The following FER1L6 variants were observed in gnomAD, a reference collection of about 807,000 sequenced individuals.
The protein encoded by FER1L6 is fer-1-like protein 6.
FER1L6 carries 177 observed loss-of-function variants against 219.2 expected under a neutral mutation model. The ratio of observed to expected loss-of-function variants is 0.81; its 90% CI spans 0.71 to 0.91. FER1L6 has a LOEUF of 0.91. Ranked by LOEUF, FER1L6 falls within the 40% of genes least tolerant of loss-of-function variation. The pLI is 0.00. For synonymous variants in FER1L6, 768 were observed against 824.3 expected (o/e 0.93, Z 1.17); for missense variants, 2,153 against 2,259.9 (o/e 0.95, Z 0.96).
chr8:124,030,369 A>G (rs1818903750), intron 18 of FER1L6, among the ~76,000 whole-genome samples: 1 of 152,100 alleles, frequency 6.6e-6, no homozygotes, highest in South Asian at 2.1e-4. Context: ...TAATTTAAAC[A>G]TATTCATGAT....
At chr8:123,982,338 C>T (rs543237795) in intron 11 of FER1L6, among the ~76,000 whole-genome samples, 6 of 152,068 alleles carry the variant, frequency 3.9e-5, no homozygotes, top group African/African-American at 1.4e-4. Context: ...TCATCCAAGT[C>T]GAAATATCTT....
intron 13 of FER1L6, among the ~76,000 whole-genome samples, chr8:124,009,450 G>A (rs1252686339): frequency 1.3e-5 from 2 of 152,016 alleles, no homozygotes; most frequent in Non-Finnish European, 2.9e-5. Context: ...GGGAGGAGCC[G>A]GTGCTGCACT....
chr8:124,047,337 G>C (rs1480446272), intron 21 of FER1L6, among the ~76,000 whole-genome samples: 1 of 152,174 alleles, frequency 6.6e-6, no homozygotes, highest in East Asian at 1.9e-4. Flanking sequence ...CTAAAAAAGA[G>C]TTAAAAATAA....
intron 1 of FER1L6, among the ~76,000 whole-genome samples, chr8:123,940,604 C>T (rs1488069276): frequency 1.3e-5 from 2 of 152,174 alleles, no homozygotes; most frequent in African/African-American, 4.8e-5. Context: ...TCCCAAAGTG[C>T]TGGGATTACA....
In FER1L6 at chr8:124,091,424, G is replaced by A; in HGVS notation, c.4393G>A (p.Glu1465Lys). Residue 1465 changes from glutamate (E) to lysine (K), a missense_variant and splice_region_variant, in exon 34 of 41, where the codon GAA (glutamate) becomes AAA (lysine). Coordinates refer to ENST00000522917, the MANE Select transcript of FER1L6 (RefSeq NM_001039112.2). Reference sequence around the variant, plus strand: ...GTGTGTTCTCCCTCCACTTTTCAGAGAAGGATACAATGCCTGGAGAGACAC... The same window carrying A: ...GTGTGTTCTCCCTCCACTTTTCAGAAAAGGATACAATGCCTGGAGAGACAC... ...ICGLQSQYEI[E>K]GYNAWRDTSK... is the part of the protein sequence containing the mutation. 6.2e-7 allele frequency: 1 copy of A among 1,613,456 alleles called. No individual in the cohort carries two copies. The highest frequency in any genetic ancestry group is 8.5e-7 in the Non-Finnish European group (1 of 1,179,580).
chr8:124,036,254 A>G (rs1243734613), intron 19 of FER1L6: 1 of 152,202 alleles, frequency 6.6e-6, no homozygotes, highest in Non-Finnish European at 1.5e-5. Context: ...AGGTTGGTTG[A>G]ACTTAGACTG....
In FER1L6 at chr8:124,119,954, C is replaced by A; in HGVS notation, c.*164C>A. The A allele has an allele frequency of 1.5e-6, 1 of 677,180 alleles. No homozygotes were observed. The highest frequency in any genetic ancestry group is 2.3e-6 in the Non-Finnish European group (1 of 437,476). The allele number at this position is 677,180 out of a possible 1,614,324, so 41.9% of individuals were successfully genotyped here. ...AGAAACATTTCCTCCCTGCTCCAAC[C>A]CCTGCCTCCAAGTTTCAAACTTGTA... On this transcript the variant is annotated 3_prime_UTR_variant, in exon 41 of 41. Coordinates refer to ENST00000522917, the MANE Select transcript of FER1L6 (RefSeq NM_001039112.2).
At chr8:123,938,089 T>A (rs1814076734) in intron 1 of FER1L6, among the ~76,000 whole-genome samples, 2 of 152,224 alleles carry the variant, frequency 1.3e-5, no homozygotes, top group South Asian at 4.1e-4. Context: ...CTCCATCCTA[T>A]CATACCAAGA....
chr8:123,990,487 C>T (rs918207454), intron 12 of FER1L6, among the ~76,000 whole-genome samples: 5 of 152,058 alleles, frequency 3.3e-5, no homozygotes, highest in African/African-American at 9.7e-5. Context: ...TGATGTTGAG[C>T]ATTTTTTTCA....
At chr8:123,859,037 G>C (rs184461849) in intron 1 of FER1L6, among the ~76,000 whole-genome samples, 1 of 151,516 alleles carries the variant, frequency 6.6e-6, no homozygotes, top group Non-Finnish European at 1.5e-5. Context: ...GTCTCATTCT[G>C]TCACACAGGC....
chr8:123,892,571 G>A (rs1168742768), intron 1 of FER1L6, among the ~76,000 whole-genome samples: 4 of 152,166 alleles, frequency 2.6e-5, no homozygotes, highest in African/African-American at 4.8e-5. Flanking sequence ...GATTAGAGGC[G>A]TGAGCCACCA....
In FER1L6 at chr8:124,073,944, C is replaced by A. The variant is rs1310848751; in HGVS notation, c.4093-2254C>A. On this transcript the variant is annotated intron_variant, in intron 31 of 40. Coordinates refer to ENST00000522917, the MANE Select transcript of FER1L6 (RefSeq NM_001039112.2). ...ATTGTGTTTCTTCCCAAGTAATCAA[C>A]AAATAGGTTGCTTATAATTTTTGGC... 1.3e-5 allele frequency among the ~76,000 whole-genome samples: 2 copies of A among 152,168 alleles called. 1 individual carries two copies. The highest frequency in any genetic ancestry group is 1.3e-4 in the Admixed American group (2 of 15,274).
chr8:123,908,052 C>A (rs531192861), intron 1 of FER1L6, among the ~76,000 whole-genome samples: 47 of 152,188 alleles, frequency 3.1e-4, no homozygotes, highest in African/African-American at 1.1e-3. Context: ...GTCCCAGAAC[C>A]AAGCACCATA....
intron 12 of FER1L6, among the ~76,000 whole-genome samples, chr8:123,997,460 CTT>C (rs1817185050): frequency 6.6e-6 from 1 of 151,980 alleles, no homozygotes; most frequent in Admixed American, 6.6e-5. Flanking sequence ...AGTTTTGGGA[CTT>C]TGATTATTAA....
intron 1 of FER1L6, among the ~76,000 whole-genome samples, chr8:123,869,280 T>C (rs2130273715): frequency 6.6e-6 from 1 of 152,326 alleles, no homozygotes; most frequent in Middle Eastern, 3.4e-3. Flanking sequence ...GACACACCCA[T>C]GGCTTCAACC....
chr8:124,089,317 A>G (rs987494968), intron 33 of FER1L6, among the ~76,000 whole-genome samples: 2 of 152,124 alleles, frequency 1.3e-5, no homozygotes, highest in Non-Finnish European at 2.9e-5. Context: ...AAGTCCCACA[A>G]TTATTGTGTT....
At position 124,119,790 on chromosome 8, in the gene FER1L6, G is replaced by C; in HGVS notation, c.5574G>C (p.Ter1858TyrextTer22). ...AISRRIVVGS[*>Y] ...GCCGAAGGATCGTTGTGGGCTCATAGAGGATCATGGAGGACCCAGATCCTC... is the reference window on the plus strand; with the variant it reads ...GCCGAAGGATCGTTGTGGGCTCATACAGGATCATGGAGGACCCAGATCCTC... The change falls in exon 41 of 41, where the codon TAG (stop) becomes TAC (tyrosine). Residue 1858 changes from the stop codon to tyrosine, a stop_lost. Coordinates refer to ENST00000522917, the MANE Select transcript of FER1L6 (RefSeq NM_001039112.2). The C allele has an allele frequency of 6.2e-7, 1 of 1,613,316 alleles. No individual in the cohort carries two copies. The highest frequency in any genetic ancestry group is 1.3e-5 in the African/African-American group (1 of 74,982).
At chr8:124,000,941 C>T (rs1817381818) in intron 12 of FER1L6, among the ~76,000 whole-genome samples, 2 of 152,128 alleles carry the variant, frequency 1.3e-5, no homozygotes, top group Non-Finnish European at 2.9e-5. Context: ...AGGGTTAGCT[C>T]TAAGAAGAGA....
At chr8:124,105,261 T>C (rs1360129172) in intron 39 of FER1L6, among the ~76,000 whole-genome samples, 1 of 152,122 alleles carries the variant, frequency 6.6e-6, no homozygotes, top group Non-Finnish European at 1.5e-5. Context: ...TTGGATAAAC[T>C]AAAACCCCAA....
Sources: gnomAD v4.1 joint callset for allele counts (sites outside exome capture counted in the v4.1 genomes callset) on GRCh38, gnomAD v4.1.1 for gene constraint, MANE v1.5 for transcripts, NCBI Gene and HGNC (gene_info 2026-07-23, HGNC 2026-07-21) for gene names.